CACNA1E: variants seen among roughly 807,000 people sequenced by gnomAD.
The protein encoded by CACNA1E is voltage-dependent R-type calcium channel subunit alpha-1E.
In CACNA1E, 40 loss-of-function variants were observed where a neutral mutation model predicts 259.2. The ratio of observed to expected loss-of-function variants is 0.15; its 90% CI spans 0.12 to 0.20. The LOEUF is 0.20. Ranked by LOEUF, CACNA1E falls within the 10% of genes least tolerant of loss-of-function variation. CACNA1E has a pLI of 1.00. For missense variants in CACNA1E, 1,874 were observed against 3,040.1 expected (o/e 0.62, Z 9.02); for synonymous variants, 1,104 against 1,138.5 (o/e 0.97, Z 0.61).
At chr1:181,793,830 C>A in intron 45 of CACNA1E, 37 bp downstream of exon 45, 1 of 1,601,258 alleles carries the variant, frequency 6.2e-7, no homozygotes, top group Non-Finnish European at 8.5e-7. Flanking sequence ...CAGTGGCATC[C>A]GGGCTGTATT....
intron 7 of CACNA1E, among the ~76,000 whole-genome samples, chr1:181,701,626 T>C (rs1652268108): frequency 6.6e-6 from 1 of 152,188 alleles, no homozygotes; most frequent in Non-Finnish European, 1.5e-5. Context: ...GCTGTGTAAC[T>C]CTTTGTCTTT....
At chr1:181,627,721 G>A (rs965782617) in intron 6 of CACNA1E, among the ~76,000 whole-genome samples, 4 of 152,162 alleles carry the variant, frequency 2.6e-5, no homozygotes, top group African/African-American at 9.7e-5. Context: ...GGAAGATTAA[G>A]GTTTAAATTG....
At chr1:181,697,453 A>G (rs1651820855) in intron 7 of CACNA1E, among the ~76,000 whole-genome samples, 1 of 152,242 alleles carries the variant, frequency 6.6e-6, no homozygotes, top group African/African-American at 2.4e-5. Flanking sequence ...TCAGCAGAGC[A>G]TCTGGTACAT....
At chr1:181,568,005 T>C (rs1425521116) in intron 3 of CACNA1E, among the ~76,000 whole-genome samples, 1 of 152,192 alleles carries the variant, frequency 6.6e-6, no homozygotes, top group East Asian at 1.9e-4. Flanking sequence ...AATACATTGC[T>C]TAATGTAGGC....
At position 181,752,223 on chromosome 1, in the gene CACNA1E, G is replaced by A; in HGVS notation, c.3812G>A (p.Arg1271His). Residue 1271 changes from arginine (R) to histidine (H), a missense_variant, in exon 27 of 48, where the codon CGC (arginine) becomes CAC (histidine). Physicochemically the swap from Arg to His is conservative, Grantham distance 29 (BLOSUM62 0). Coordinates refer to ENST00000367573, the MANE Select transcript of CACNA1E (RefSeq NM_001205293.3). ...CTAAGGCCACTGAAAACCATCAAGC[G>A]CTTGCCCAAGCTCAAGGTAGTGTTT... ...RVLRPLKTIK[R>H]LPKLKAVFDC... The A allele has an allele frequency of 1.2e-6, 2 of 1,612,516 alleles. No individual in the cohort carries two copies. Among genetic ancestry groups the A allele is most frequent in the Non-Finnish European group, 1.7e-6 (2 of 1,178,574 alleles).
rs572790410 is a variant in CACNA1E at position 181,793,614 on chromosome 1, G to A, written c.5899-51G>A. ...CTGAATTGTCCACTGGACGTGAGAA[G>A]CAATGAGATGGAACCAAGTCCCACA... On this transcript the variant is annotated intron_variant, in intron 44 of 47. Transcript: ENST00000367573. The A allele has an allele frequency of 1.8e-5, 29 of 1,584,244 alleles. No individual in the cohort carries two copies. In the African/African-American group the frequency reaches 3.2e-4, roughly 18 times the overall value.
chr1:181,676,077 A>C (rs1358979829), intron 7 of CACNA1E, among the ~76,000 whole-genome samples: 1 of 149,786 alleles, frequency 6.7e-6, no homozygotes, highest in East Asian at 2.0e-4. Context: ...TAAAATCCCC[A>C]TTATTGGGCA....
intron 3 of CACNA1E, among the ~76,000 whole-genome samples, chr1:181,574,917 C>T (rs544849228): frequency 2.8e-4 from 42 of 151,880 alleles, no homozygotes; most frequent in South Asian, 2.1e-4. Context: ...CCCAGCTACT[C>T]GGGAGGCTGA....
intron 43 of CACNA1E, 93 bp from the exon 44 acceptor site, chr1:181,790,352 C>A: frequency 1.5e-6 from 1 of 672,922 alleles, no homozygotes; most frequent in Non-Finnish European, 2.6e-6. Context: ...TTACAAAAGC[C>A]AGCCAAGGCT....
At chr1:181,716,701 A>G (rs771697750) in intron 10 of CACNA1E, among the ~76,000 whole-genome samples, 6 of 152,230 alleles carry the variant, frequency 3.9e-5, no homozygotes, top group Non-Finnish European at 7.3e-5. Context: ...AGCAGAAGAG[A>G]CTTACAAAGC....
intron 3 of CACNA1E, among the ~76,000 whole-genome samples, chr1:181,531,055 A>G (rs1241108727): frequency 6.6e-6 from 1 of 152,218 alleles, no homozygotes; most frequent in Non-Finnish European, 1.5e-5. Flanking sequence ...TATTCTCCTA[A>G]GGAGAACTCT....
chr1:181,631,273 T>C (rs1027883967), intron 6 of CACNA1E, among the ~76,000 whole-genome samples: 4 of 152,192 alleles, frequency 2.6e-5, no homozygotes. Flanking sequence ...ATAGACTTAC[T>C]CTGGAAAGAG....
intron 27 of CACNA1E, among the ~76,000 whole-genome samples, chr1:181,753,263 G>A (rs12144729): frequency 0.11 from 16,639 of 152,262 alleles, 963 homozygotes; most frequent in Middle Eastern, 0.16. Context: ...AGGATCACCT[G>A]GGTACTTCTT....
intron 47 of CACNA1E, 89 bp downstream of exon 47, chr1:181,796,947 C>A: frequency 1.1e-6 from 1 of 910,306 alleles, no homozygotes; most frequent in Non-Finnish European, 1.6e-6. Flanking sequence ...ATTTCGCAAA[C>A]GCATTCAAGT....
chr1:181,374,712 C>T (rs1285364982), intron 1 of CACNA1E, among the ~76,000 whole-genome samples: 1 of 152,110 alleles, frequency 6.6e-6, no homozygotes, highest in Non-Finnish European at 1.5e-5. Flanking sequence ...AGTGATCCTC[C>T]TACCTCAGCC....
At chr1:181,667,696 A>G (rs1478879320) in intron 7 of CACNA1E, among the ~76,000 whole-genome samples, 1 of 152,200 alleles carries the variant, frequency 6.6e-6, no homozygotes. Context: ...AAGACATACC[A>G]GAAACATCAC....
At chr1:181,431,106 G>A (rs1659685435) in intron 2 of CACNA1E, among the ~76,000 whole-genome samples, 1 of 149,392 alleles carries the variant, frequency 6.7e-6, no homozygotes, top group Non-Finnish European at 1.5e-5. Flanking sequence ...TAGGAAAAAT[G>A]TTTAAAAAAT....
chr1:181,617,018 CT>C (rs1263757503), intron 6 of CACNA1E, among the ~76,000 whole-genome samples: 1 of 152,040 alleles, frequency 6.6e-6, no homozygotes, highest in Non-Finnish European at 1.5e-5. Flanking sequence ...TAGTGATGTC[CT>C]TTTTTCATTC....
chr1:181,724,238 A>G (rs1654679037), intron 16 of CACNA1E, among the ~76,000 whole-genome samples: 1 of 152,180 alleles, frequency 6.6e-6, no homozygotes, highest in Non-Finnish European at 1.5e-5. Flanking sequence ...GTATTTCTTT[A>G]TCCTGGGTAA....
Sources: allele counts gnomAD v4.1 joint callset (sites outside exome capture counted in the v4.1 genomes callset), GRCh38; gene constraint gnomAD v4.1.1; transcripts MANE v1.5; gene names NCBI Gene and HGNC (gene_info 2026-07-23, HGNC 2026-07-21).